ASCC3: variants seen among roughly 807,000 people sequenced by gnomAD.
ASCC3 encodes the protein ASC-1 complex subunit P200.
ASCC3 carries 158 observed loss-of-function variants against 256.3 expected under a neutral mutation model. That is an observed-to-expected ratio of 0.62 (90% CI 0.54 to 0.70). ASCC3 has a LOEUF of 0.70. Among genes scored for constraint, ASCC3 ranks in the 30% least tolerant of loss-of-function variants. ASCC3 has a pLI of 0.00. For missense variants in ASCC3, 2,259 were observed against 2,626.0 expected, an observed-to-expected ratio of 0.86 and a Z score of 3.05; for synonymous variants, 948 against 883.4, an observed-to-expected ratio of 1.07 and a Z score of -1.30.
chr6:100,548,470 T>G (rs538790839), intron 36 of ASCC3, among the ~76,000 whole-genome samples: 7 of 152,100 alleles, frequency 4.6e-5, no homozygotes, highest in African/African-American at 1.7e-4. Flanking sequence ...GGAAACTTCC[T>G]ATATCAAAAC....
At chr6:100,596,686 A>G (rs1249085322) in intron 34 of ASCC3, among the ~76,000 whole-genome samples, 1 of 152,120 alleles carries the variant, frequency 6.6e-6, no homozygotes, top group Non-Finnish European at 1.5e-5. Context: ...TTCTATGTCA[A>G]TCACGTTTGA....
chr6:100,700,139 C>G (rs1282811427), intron 13 of ASCC3, among the ~76,000 whole-genome samples: 1 of 152,084 alleles, frequency 6.6e-6, no homozygotes, highest in Admixed American at 6.5e-5. Context: ...CAACCCATCA[C>G]AGGCCCAGAG....
chr6:100,665,154 T>C (rs1248175245), intron 14 of ASCC3, among the ~76,000 whole-genome samples: 2 of 152,228 alleles, frequency 1.3e-5, no homozygotes, highest in East Asian at 3.9e-4. Flanking sequence ...TCCCACTTGA[T>C]CACATGGGTT....
In ASCC3 at chr6:100,650,725, C is replaced by G. The variant is rs758159241; in HGVS notation, c.3076-11G>C. 6.2e-7 allele frequency: 1 copy of G among 1,600,224 alleles called. No individual in the cohort carries two copies. The highest frequency in any genetic ancestry group is 1.1e-5 in the South Asian group (1 of 90,624). On this transcript the variant is annotated splice_polypyrimidine_tract_variant and intron_variant, in intron 19 of 41. Coordinates refer to ENST00000369162, the MANE Select transcript of ASCC3 (RefSeq NM_006828.4). Reference sequence around the variant, plus strand: ...TTCCTCTTCTCTGACCTAGAAGAATCAATGTATTTATTGGAATTTTGGGGC... The same window carrying G: ...TTCCTCTTCTCTGACCTAGAAGAATGAATGTATTTATTGGAATTTTGGGGC...
chr6:100,837,489 A>G (rs961856409), intron 4 of ASCC3, among the ~76,000 whole-genome samples: 2 of 152,112 alleles, frequency 1.3e-5, no homozygotes, highest in Non-Finnish European at 2.9e-5. Context: ...CAACCTAAGC[A>G]TCCATCAACA....
At chr6:100,621,118 G>T (rs1281051315) in intron 30 of ASCC3, among the ~76,000 whole-genome samples, 1 of 152,128 alleles carries the variant, frequency 6.6e-6, no homozygotes, top group African/African-American at 2.4e-5. Context: ...TAAAGAAAAT[G>T]TGGTACATAT....
At chr6:100,855,346 A>AG (rs769777398) in intron 3 of ASCC3, among the ~76,000 whole-genome samples, 2 of 152,152 alleles carry the variant, frequency 1.3e-5, no homozygotes, top group Non-Finnish European at 2.9e-5. Context: ...CAAACTCCTG[A>AG]GCTCAAGCAA....
intron 4 of ASCC3, among the ~76,000 whole-genome samples, chr6:100,834,281 A>C (rs1229264912): frequency 6.6e-6 from 1 of 152,236 alleles, no homozygotes; most frequent in Non-Finnish European, 1.5e-5. Flanking sequence ...TGCTTAGAAT[A>C]TTTCAAATGT....
chr6:100,812,498 A>G (rs556252082), intron 4 of ASCC3, among the ~76,000 whole-genome samples: 1 of 152,228 alleles, frequency 6.6e-6, no homozygotes, highest in East Asian at 1.9e-4. Flanking sequence ...AGCACTTTAA[A>G]AAAAAAAAGA....
intron 8 of ASCC3, among the ~76,000 whole-genome samples, chr6:100,786,463 A>G (rs541860051): frequency 2.6e-5 from 4 of 152,038 alleles, no homozygotes; most frequent in Non-Finnish European, 5.9e-5. Flanking sequence ...ACAAATTTAA[A>G]TTAAATAATT....
chr6:100,667,518 G>A (rs528232432), intron 14 of ASCC3, among the ~76,000 whole-genome samples: 1 of 152,238 alleles, frequency 6.6e-6, no homozygotes, highest in South Asian at 2.1e-4. Context: ...GCTAAGACCA[G>A]AGCAGGTATC....
chr6:100,761,454 G>C (rs952258504), intron 10 of ASCC3, among the ~76,000 whole-genome samples: 6 of 152,148 alleles, frequency 3.9e-5, no homozygotes, highest in Non-Finnish European at 8.8e-5. Context: ...TGCCACTGTA[G>C]TCCAGCCTTG....
chr6:100,718,376 G>C, intron 11 of ASCC3, 125 bp from the exon 12 acceptor site: 2 of 717,780 alleles, frequency 2.8e-6, no homozygotes, highest in South Asian at 4.2e-5. Flanking sequence ...GGTCAATTGA[G>C]GGTCCTATCA....
intron 37 of ASCC3, among the ~76,000 whole-genome samples, chr6:100,539,579 T>C (rs1775340205): frequency 6.6e-6 from 1 of 152,286 alleles, no homozygotes; most frequent in African/African-American, 2.4e-5. Flanking sequence ...TCCTTGAATA[T>C]ACCAAGTAAC....
chr6:100,720,832 T>A (rs993749542), intron 11 of ASCC3, among the ~76,000 whole-genome samples: 4 of 148,046 alleles, frequency 2.7e-5, no homozygotes, highest in African/African-American at 9.8e-5. Flanking sequence ...ATATATGATA[T>A]ACACTTATAT....
intron 8 of ASCC3, among the ~76,000 whole-genome samples, chr6:100,795,328 G>C (rs1769556538): frequency 6.6e-6 from 1 of 151,642 alleles, no homozygotes; most frequent in Admixed American, 6.6e-5. Flanking sequence ...AAAATAATAA[G>C]AGAAACACAA....
At chr6:100,793,459 T>C (rs1264268462) in intron 8 of ASCC3, among the ~76,000 whole-genome samples, 2 of 151,980 alleles carry the variant, frequency 1.3e-5, no homozygotes, top group Non-Finnish European at 2.9e-5. Flanking sequence ...ACCAATTTCA[T>C]CAGAACCATG....
chr6:100,803,960 G>C (rs1770045810), intron 5 of ASCC3, among the ~76,000 whole-genome samples: 1 of 151,576 alleles, frequency 6.6e-6, no homozygotes, highest in South Asian at 2.1e-4. Context: ...AAACAGTGTG[G>C]TAAAGGTAAA....
At chr6:100,748,041 C>A (rs1780767722) in intron 10 of ASCC3, among the ~76,000 whole-genome samples, 1 of 151,760 alleles carries the variant, frequency 6.6e-6, no homozygotes, top group Non-Finnish European at 1.5e-5. Context: ...AAAATAAGAG[C>A]CTTCTTTTAA....
Sources: allele counts gnomAD v4.1 joint callset (sites outside exome capture counted in the v4.1 genomes callset), GRCh38; gene constraint gnomAD v4.1.1; transcripts MANE v1.5; gene names NCBI Gene and HGNC (gene_info 2026-07-23, HGNC 2026-07-21).